Variants in DNAJC1 observed in about 807,000 individuals in gnomAD.
The protein encoded by DNAJC1 is dnaJ homolog subfamily C member 1.
In DNAJC1, 58 loss-of-function variants were observed where a neutral mutation model predicts 76.6. The observed-to-expected ratio is 0.76, with a 90% confidence interval of 0.61 to 0.94. DNAJC1 has a LOEUF of 0.94. Among genes scored for constraint, DNAJC1 ranks in the 40% least tolerant of loss-of-function variants. The pLI is 0.00. For synonymous variants in DNAJC1, 258 were observed against 267.9 expected, an observed-to-expected ratio of 0.96 and a Z score of 0.36; for missense variants, 689 against 677.3, an observed-to-expected ratio of 1.02 and a Z score of -0.19.
chr10:21,788,802 G>A (rs1305400358), intron 9 of DNAJC1, among the ~76,000 whole-genome samples: 3 of 152,102 alleles, frequency 2.0e-5, no homozygotes, highest in Admixed American at 6.5e-5. Flanking sequence ...AACCTCCAGA[G>A]CACACCTTCT....
Position 21,848,800 on chromosome 10 carries a change from G to C in DNAJC1, c.978+33482C>G, listed in dbSNP as rs533768992. The stretch of plus-strand genomic sequence containing the variant: ...CACAAAGTATCTTCTGTAATCACAA[G>C]AAATGAAGATAGAAATCAGCAACAG... On this transcript the variant is annotated intron_variant, in intron 8 of 11. Transcript: ENST00000376980. Among the ~76,000 whole-genome samples, 7 of 152,148 alleles carry C rather than the reference G, an allele frequency of 4.6e-5. No individual in the cohort carries two copies. The South Asian group carries it at 1.4e-3, about 32-fold the overall frequency.
At chr10:21,903,235 C>A (rs1269102266) in intron 7 of DNAJC1, among the ~76,000 whole-genome samples, 2 of 152,102 alleles carry the variant, frequency 1.3e-5, no homozygotes, top group Admixed American at 6.5e-5. Flanking sequence ...CTTCTCTTTT[C>A]TTATAAATGT....
intron 11 of DNAJC1, among the ~76,000 whole-genome samples, chr10:21,757,589 A>G (rs1388316579): frequency 6.6e-6 from 1 of 152,158 alleles, no homozygotes; most frequent in Non-Finnish European, 1.5e-5. Flanking sequence ...TTTTTTCTGC[A>G]TCCCCAAAGA....
At chr10:21,959,420 G>T (rs182305694) in intron 1 of DNAJC1, among the ~76,000 whole-genome samples, 1 of 151,962 alleles carries the variant, frequency 6.6e-6, no homozygotes, top group East Asian at 1.9e-4. Context: ...GAGCTACTGC[G>T]CCCAGCCACA....
intron 8 of DNAJC1, among the ~76,000 whole-genome samples, chr10:21,816,632 G>A (rs368795614): frequency 6.8e-6 from 1 of 147,084 alleles, no homozygotes; most frequent in Non-Finnish European, 1.5e-5. Flanking sequence ...TGAAAGCTCC[G>A]CCTCCCGGGT....
intron 8 of DNAJC1, chr10:21,860,727 A>G: frequency 6.1e-6 from 1 of 164,402 alleles, no homozygotes; most frequent in Non-Finnish European, 1.3e-5. Flanking sequence ...ACAAACAAAC[A>G]AACAAACAAA....
intron 8 of DNAJC1, among the ~76,000 whole-genome samples, chr10:21,824,004 A>T (rs936047320): frequency 1.3e-5 from 2 of 152,228 alleles, no homozygotes; most frequent in Non-Finnish European, 2.9e-5. Context: ...AAACATATGG[A>T]CAAATTCCTT....
chr10:21,944,165 T>TA lies in DNAJC1; in HGVS notation c.223-15025dup. Among the ~76,000 whole-genome samples, 3 of 92,332 alleles carry TA rather than the reference T, an allele frequency of 3.2e-5. No individual in the cohort carries two copies. The Admixed American group carries it at 3.3e-4, about 10-fold the overall frequency. The allele number at this position is 92,332 out of a possible 152,430, so 60.6% of individuals were successfully genotyped here. On this transcript the variant is annotated intron_variant, in intron 1 of 11. Coordinates refer to ENST00000376980, the MANE Select transcript of DNAJC1 (RefSeq NM_022365.4). ...AAACTAATCCATTGTTTTCATCACA[T>TA]AAAGGTTTTTTTTTTTTCATATTAT...
intron 1 of DNAJC1, among the ~76,000 whole-genome samples, chr10:21,987,701 C>T (rs1469504886): frequency 2.0e-5 from 3 of 152,260 alleles, no homozygotes; most frequent in Admixed American, 1.3e-4. Flanking sequence ...TGATTTATCT[C>T]ATAAACATGA....
intron 8 of DNAJC1, among the ~76,000 whole-genome samples, chr10:21,853,000 T>C (rs1486747236): frequency 6.6e-6 from 1 of 152,172 alleles, no homozygotes; most frequent in African/African-American, 2.4e-5. Flanking sequence ...TCCTTTCCAC[T>C]CTCACTCCAC....
intron 1 of DNAJC1, among the ~76,000 whole-genome samples, chr10:21,949,486 G>A (rs923328799): frequency 4.4e-5 from 6 of 134,874 alleles, no homozygotes; most frequent in South Asian, 2.3e-4. Flanking sequence ...GTGTGATCTC[G>A]GCTCACTGCA....
chr10:21,800,811 T>C (rs910655808), intron 9 of DNAJC1, among the ~76,000 whole-genome samples: 3 of 152,220 alleles, frequency 2.0e-5, no homozygotes, highest in African/African-American at 7.2e-5. Context: ...AAATTATGGT[T>C]GATTAGAAAA....
chr10:21,870,987 A>G (rs1836093911), intron 8 of DNAJC1, among the ~76,000 whole-genome samples: 1 of 152,118 alleles, frequency 6.6e-6, no homozygotes, highest in Non-Finnish European at 1.5e-5. Flanking sequence ...CAAAGAATGG[A>G]AATTATTTGT....
intron 3 of DNAJC1, among the ~76,000 whole-genome samples, chr10:21,925,019 G>A (rs180680827): frequency 6.6e-6 from 1 of 152,150 alleles, no homozygotes; most frequent in Non-Finnish European, 1.5e-5. Context: ...TAGAGATGGG[G>A]TCTCACTCTC....
chr10:21,897,199 AC>A lies in DNAJC1; in HGVS notation c.820+7322del, dbSNP rs140682888. 4.4e-3 allele frequency among the ~76,000 whole-genome samples: 665 copies of A among 152,340 alleles called. 3 individuals are homozygous for A. Among genetic ancestry groups the A allele is most frequent in the African/African-American group, 0.015 (614 of 41,578 alleles). ...ATGAATATAGATGTAAAATTCTTTAACAAAATAGTAGCAAATAGAATTCAGC... is the reference window on the plus strand; with the variant it reads ...ATGAATATAGATGTAAAATTCTTTAAAAAATAGTAGCAAATAGAATTCAGC... On this transcript the variant is annotated intron_variant, in intron 7 of 11. Coordinates refer to ENST00000376980, the MANE Select transcript of DNAJC1 (RefSeq NM_022365.4).
rs186216479 is a variant in DNAJC1 at position 21,852,881 on chromosome 10, G to A, written c.978+29401C>T. 6.6e-5 allele frequency among the ~76,000 whole-genome samples: 10 copies of A among 152,148 alleles called. No individual in the cohort carries two copies. In the East Asian group the frequency reaches 1.9e-3, roughly 29 times the overall value. Reference sequence around the variant, plus strand: ...GCTTATATTGTGGAGGGTGGATATTGTAGTGGTTTTGGAGTCAGATCATTT... The same window carrying A: ...GCTTATATTGTGGAGGGTGGATATTATAGTGGTTTTGGAGTCAGATCATTT... On this transcript the variant is annotated intron_variant, in intron 8 of 11. Transcript: ENST00000376980.
intron 1 of DNAJC1, among the ~76,000 whole-genome samples, chr10:21,971,754 A>T (rs998658101): frequency 6.6e-6 from 1 of 151,928 alleles, no homozygotes; most frequent in African/African-American, 2.4e-5. Context: ...AAATGGTACA[A>T]ATATGAATAT....
At chr10:21,771,277 T>C (rs917011964) in intron 9 of DNAJC1, among the ~76,000 whole-genome samples, 5 of 152,212 alleles carry the variant, frequency 3.3e-5, no homozygotes, top group Non-Finnish European at 7.3e-5. Flanking sequence ...CTTATTTCTT[T>C]TTCTTGCCTA....
intron 8 of DNAJC1, among the ~76,000 whole-genome samples, chr10:21,863,507 A>G (rs1247226832): frequency 6.6e-6 from 1 of 152,142 alleles, no homozygotes; most frequent in Admixed American, 6.5e-5. Flanking sequence ...TATAAGGTCA[A>G]TATCACTGTC....
Sources: gnomAD v4.1 joint callset for allele counts (sites outside exome capture counted in the v4.1 genomes callset) on GRCh38, gnomAD v4.1.1 for gene constraint, MANE v1.5 for transcripts, NCBI Gene and HGNC (gene_info 2026-07-23, HGNC 2026-07-21) for gene names.